Variants in NPHP1 observed in about 807,000 individuals in gnomAD.
The protein encoded by NPHP1 is nephrocystin-1.
A neutral mutation model predicts 90.4 loss-of-function variants in NPHP1; 70 were observed. The observed-to-expected ratio is 0.77, with a 90% CI of 0.64 to 0.95. NPHP1 has a LOEUF of 0.95. NPHP1 is among the 40% of genes least tolerant of loss of function. The probability of loss-of-function intolerance (pLI) is 0.00; values close to 1 mark genes in which losing one functional copy is unlikely to be tolerated. For synonymous variants in NPHP1, 256 were observed against 271.7 expected, an observed-to-expected ratio of 0.94 and a Z score of 0.57; for missense variants, 764 against 795.9, an observed-to-expected ratio of 0.96 and a Z score of 0.48.
rs1188758531 is a variant in NPHP1 at position 110,190,079 on chromosome 2, T to C, written c.144-10395A>G. Among the ~76,000 whole-genome samples, 3 of 152,190 alleles carry C rather than the reference T, an allele frequency of 2.0e-5. No individual in the cohort carries two copies. In the East Asian group the frequency reaches 5.8e-4, roughly 29 times the overall value. On this transcript the variant is annotated intron_variant, in intron 2 of 19. Transcript: ENST00000445609. Reference sequence around the variant, plus strand: ...GTGTGTTTACAAACCTTGAGCTAGATACAGAGTGCTGATTGGTGTATTTAC... The same window carrying C: ...GTGTGTTTACAAACCTTGAGCTAGACACAGAGTGCTGATTGGTGTATTTAC...
chr2:110,128,047 C>A (rs1363615694), intron 18 of NPHP1: 1 of 152,052 alleles, frequency 6.6e-6, no homozygotes, highest in Non-Finnish European at 1.5e-5. Flanking sequence ...TACAGGAGAT[C>A]ATATGTACCA....
At chr2:110,143,478 C>G (rs1008016455) in intron 16 of NPHP1, 64 bp downstream of exon 16, 14 of 1,101,162 alleles carry the variant, frequency 1.3e-5, no homozygotes, top group Non-Finnish European at 2.0e-5. Context: ...AAGCCAAAAG[C>G]AGAGATGGTC....
rs1330771779 is a variant in NPHP1, at chr2:110,157,201, CT to C, written c.1083+2925del. On this transcript the variant is annotated intron_variant, in intron 11 of 19. Coordinates refer to ENST00000445609, the MANE Select transcript of NPHP1 (RefSeq NM_001128178.3). ...CAATTTGGAAATCTCACATAAATTT[CT>C]TTCATAAAGTAAATTTCATTATTTT... Among the ~76,000 whole-genome samples the C allele has an allele frequency of 2.0e-5, 3 of 152,270 alleles. No homozygotes were observed. The East Asian group carries it at 5.8e-4, about 29-fold the overall frequency.
chr2:110,178,573 A>C (rs1198472221), intron 3 of NPHP1, 26 bp from the exon 4 acceptor site: 2 of 1,580,460 alleles, frequency 1.3e-6, no homozygotes, highest in Non-Finnish European at 1.7e-6. Flanking sequence ...GGTCTATTTC[A>C]CTAAAAAATT....
At chr2:110,201,385 G>T (rs1258192508) in intron 2 of NPHP1, 36 bp downstream of exon 2, 1 of 1,334,474 alleles carries the variant, frequency 7.5e-7, no homozygotes, top group Non-Finnish European at 1.1e-6. Context: ...TGTAAGTGCG[G>T]TTCCTGTAAA....
intron 2 of NPHP1, among the ~76,000 whole-genome samples, chr2:110,198,311 G>A (rs1423295659): frequency 6.6e-6 from 1 of 152,134 alleles, no homozygotes; most frequent in East Asian, 1.9e-4. Context: ...CTGATGAAAA[G>A]ACATGCACAG....
chr2:110,147,781 T>C, intron 13 of NPHP1, 135 bp downstream of exon 13: 1 of 653,106 alleles, frequency 1.5e-6, no homozygotes. Flanking sequence ...TTAGAATCAC[T>C]GGCATTCTCA....
At chr2:110,141,281 T>C (rs866819668) in intron 16 of NPHP1, among the ~76,000 whole-genome samples, 1 of 152,228 alleles carries the variant, frequency 6.6e-6, no homozygotes, top group Non-Finnish European at 1.5e-5. Context: ...TAAATAATTA[T>C]AGCTAACACT....
At chr2:110,198,725 C>T (rs996153721) in intron 2 of NPHP1, among the ~76,000 whole-genome samples, 6 of 152,050 alleles carry the variant, frequency 3.9e-5, no homozygotes, top group Admixed American at 3.3e-4. Context: ...AAGCTACTTC[C>T]GAGCCTCTGA....
At chr2:110,142,320 GT>G (rs1227089679) in intron 16 of NPHP1, among the ~76,000 whole-genome samples, 1 of 151,666 alleles carries the variant, frequency 6.6e-6, no homozygotes, top group African/African-American at 2.4e-5. Flanking sequence ...AATATCATAA[GT>G]TGAAAATGCA....
chr2:110,183,030 GA>G (rs1456546213), intron 2 of NPHP1, among the ~76,000 whole-genome samples: 2 of 151,576 alleles, frequency 1.3e-5, no homozygotes, highest in African/African-American at 4.9e-5. Context: ...AGCCAATAAA[GA>G]TAAAAAAAAG....
At position 110,123,645 on chromosome 2, in the gene NPHP1, T is replaced by C; in HGVS notation, c.*146A>G. On this transcript the variant is annotated 3_prime_UTR_variant, in exon 20 of 20. Transcript: ENST00000445609. Reference sequence around the variant, plus strand: ...AAATATTTAAATTATTGTATAAACATTTCTTTAAAAATATGGTCTGTAGAA... The same window carrying C: ...AAATATTTAAATTATTGTATAAACACTTCTTTAAAAATATGGTCTGTAGAA... 6.8e-6 allele frequency: 5 copies of C among 739,186 alleles called. No homozygotes were observed. In the South Asian group the frequency reaches 7.1e-5, roughly 11 times the overall value. The allele number at this position is 739,186 out of a possible 1,614,324, so 45.8% of individuals were successfully genotyped here.
intron 2 of NPHP1, among the ~76,000 whole-genome samples, chr2:110,182,207 A>T (rs186486457): frequency 6.6e-6 from 1 of 152,190 alleles, no homozygotes; most frequent in African/African-American, 2.4e-5. Context: ...GTTGAAAAAC[A>T]TACTTTAGAA....
chr2:110,190,419 G>A (rs1258477523), intron 2 of NPHP1, among the ~76,000 whole-genome samples: 4 of 152,212 alleles, frequency 2.6e-5, no homozygotes, highest in African/African-American at 9.6e-5. Context: ...GAGCACAGCA[G>A]CTGCTGGCCC....
chr2:110,163,576 G>A lies in NPHP1; in HGVS notation c.772-441C>T, dbSNP rs1310512185. The A allele has an allele frequency of 4.1e-5, 7 of 170,926 alleles. No individual in the cohort carries two copies. In the East Asian group the frequency reaches 5.7e-4, roughly 14 times the overall value. 10.6% of individuals were successfully genotyped at this position (170,926 alleles called of 1,614,324 possible). On this transcript the variant is annotated intron_variant, in intron 8 of 19. Coordinates refer to ENST00000445609, the MANE Select transcript of NPHP1 (RefSeq NM_001128178.3). ...GATGTACTTATAAGTAATAAATAAC[G>A]AAAAAGGTCAGGAAGGACACGTACT...
intron 12 of NPHP1, among the ~76,000 whole-genome samples, chr2:110,149,256 G>C (rs1681286746): frequency 6.6e-6 from 1 of 152,096 alleles, no homozygotes; most frequent in African/African-American, 2.4e-5. Flanking sequence ...GCACATAACT[G>C]ATGTTTAATT....
chr2:110,156,780 G>GC (rs751815112), intron 11 of NPHP1, among the ~76,000 whole-genome samples: 1 of 139,296 alleles, frequency 7.2e-6, no homozygotes, highest in South Asian at 2.3e-4. Context: ...TTTGGTTTCT[G>GC]TTTTTTTTTT....
At chr2:110,172,967 T>C (rs921385952) in intron 4 of NPHP1, among the ~76,000 whole-genome samples, 3 of 150,288 alleles carry the variant, frequency 2.0e-5, no homozygotes, top group Non-Finnish European at 3.0e-5. Flanking sequence ...TTTTTCTTTT[T>C]TTTTTTTTTT....
chr2:110,127,519 A>C (rs1679453603), intron 18 of NPHP1: 1 of 152,138 alleles, frequency 6.6e-6, no homozygotes, highest in Non-Finnish European at 1.5e-5. Flanking sequence ...ACCTCTCTGG[A>C]ATATATTCTT....
Sources: allele counts gnomAD v4.1 joint callset (sites outside exome capture counted in the v4.1 genomes callset), GRCh38; gene constraint gnomAD v4.1.1; transcripts MANE v1.5; gene names NCBI Gene and HGNC (gene_info 2026-07-23, HGNC 2026-07-21).